TAFA4: variants seen among roughly 807,000 people sequenced by gnomAD.
TAFA4 encodes the protein TAFA chemokine like family member 4.
In TAFA4, 20 loss-of-function variants were observed where a neutral mutation model predicts 21.1. The observed-to-expected ratio is 0.95, with a 90% CI of 0.67 to 1.38. The LOEUF (loss-of-function observed/expected upper bound fraction) is 1.38. TAFA4 is among the 40% of genes most tolerant of loss of function. TAFA4 has a pLI of 0.00. For missense variants in TAFA4, 211 were observed against 180.9 expected (o/e 1.17, Z -0.95); for synonymous variants, 71 against 67.4 (o/e 1.05, Z -0.26).
At chr3:68,765,440 C>A (rs1446336531) in intron 3 of TAFA4, among the ~76,000 whole-genome samples, 1 of 151,998 alleles carries the variant, frequency 6.6e-6, no homozygotes, top group East Asian at 1.9e-4. Flanking sequence ...ATAACCTAAA[C>A]AATATTTTAG....
At chr3:68,800,225 T>A (rs1282367940) in intron 3 of TAFA4, among the ~76,000 whole-genome samples, 1 of 152,110 alleles carries the variant, frequency 6.6e-6, no homozygotes. Context: ...GAAAAAAATG[T>A]CTTTCACAAA....
chr3:68,870,345 C>T (rs937550552), intron 3 of TAFA4, among the ~76,000 whole-genome samples: 1 of 151,944 alleles, frequency 6.6e-6, no homozygotes, highest in Non-Finnish European at 1.5e-5. Flanking sequence ...CTTGAAAAAA[C>T]AATGCAAAAA....
At chr3:68,766,464 T>A (rs929317723) in intron 3 of TAFA4, among the ~76,000 whole-genome samples, 2 of 151,834 alleles carry the variant, frequency 1.3e-5, no homozygotes, top group African/African-American at 4.8e-5. Flanking sequence ...TATGTACAGA[T>A]AATACAAATG....
chr3:68,811,314 C>G (rs2106844907), intron 3 of TAFA4, among the ~76,000 whole-genome samples: 2 of 152,308 alleles, frequency 1.3e-5, no homozygotes, highest in Non-Finnish European at 2.9e-5. Flanking sequence ...CGGAACAAAG[C>G]TGGACAGAGA....
intron 3 of TAFA4, among the ~76,000 whole-genome samples, chr3:68,872,432 T>C (rs1575651535): frequency 6.6e-6 from 1 of 151,694 alleles, no homozygotes; most frequent in Non-Finnish European, 1.5e-5. Context: ...TGAACAGAGG[T>C]TAATAGTTTA....
chr3:68,927,893 C>CAAAAAAAAAAAAAAAAAAA (rs1209770129), intron 1 of TAFA4, among the ~76,000 whole-genome samples: 1 of 123,508 alleles, frequency 8.1e-6, no homozygotes, highest in African/African-American at 2.9e-5. Context: ...GACACCATCT[C>CAAAAAAAAAAAAAAAAAAA]AAAAAAAAAA....
At chr3:68,843,629 T>C (rs1056430068) in intron 3 of TAFA4, among the ~76,000 whole-genome samples, 3 of 152,242 alleles carry the variant, frequency 2.0e-5, no homozygotes, top group Non-Finnish European at 4.4e-5. Flanking sequence ...CGTTTTGCCA[T>C]TCAGCATGAT....
intron 1 of TAFA4, among the ~76,000 whole-genome samples, chr3:68,929,960 T>C (rs2090144104): frequency 6.6e-6 from 1 of 152,198 alleles, no homozygotes. Flanking sequence ...TCATATCCAA[T>C]GGTTAATCCC....
intron 1 of TAFA4, among the ~76,000 whole-genome samples, chr3:68,922,521 CTTCT>C (rs1295044236): frequency 2.6e-5 from 4 of 152,176 alleles, no homozygotes; most frequent in South Asian, 2.1e-4. Flanking sequence ...TCCTTCCTTA[CTTCT>C]AAGTAAATGA....
chr3:68,905,692 T>G (rs977722719), intron 1 of TAFA4, among the ~76,000 whole-genome samples: 2 of 152,064 alleles, frequency 1.3e-5, no homozygotes, highest in Non-Finnish European at 1.5e-5. Flanking sequence ...AACAGCATGT[T>G]CAAAGGCCCT....
chr3:68,912,524 G>T (rs1285152578), intron 1 of TAFA4, among the ~76,000 whole-genome samples: 1 of 152,180 alleles, frequency 6.6e-6, no homozygotes, highest in African/African-American at 2.4e-5. Flanking sequence ...CTCCCTCCCC[G>T]ATCCTGCCGT....
Position 68,874,642 on chromosome 3 carries a change from T to C in TAFA4, c.130+6088A>G, listed in dbSNP as rs574794624. On this transcript the variant is annotated intron_variant, in intron 3 of 5. Transcript: ENST00000295569. ...TCTTTTCCCAAACTACCCGAGGAAC[T>C]CTTCAAAGACAGTTGCCTGTTCTGC... Among the ~76,000 whole-genome samples the C allele has an allele frequency of 3.9e-5, 6 of 152,232 alleles. No homozygotes were observed. In the South Asian group the frequency reaches 1.2e-3, roughly 32 times the overall value.
At chr3:68,896,674 C>T (rs990733550) in intron 1 of TAFA4, among the ~76,000 whole-genome samples, 6 of 152,228 alleles carry the variant, frequency 3.9e-5, no homozygotes, top group African/African-American at 4.8e-5. Flanking sequence ...AAGGTTGTGA[C>T]GAGAAGTACA....
intron 4 of TAFA4, among the ~76,000 whole-genome samples, chr3:68,752,290 C>A (rs1051438272): frequency 1.3e-5 from 2 of 152,086 alleles, no homozygotes; most frequent in African/African-American, 2.4e-5. Context: ...GAAATCAATC[C>A]CAGGCCTCCA....
intron 1 of TAFA4, among the ~76,000 whole-genome samples, chr3:68,919,367 T>G (rs967604645): frequency 7.2e-5 from 11 of 152,196 alleles, no homozygotes; most frequent in African/African-American, 2.4e-4. Flanking sequence ...TTCATTCACT[T>G]ACTTATCACC....
At chr3:68,868,591 T>C (rs1248061546) in intron 3 of TAFA4, among the ~76,000 whole-genome samples, 2 of 151,944 alleles carry the variant, frequency 1.3e-5, no homozygotes, top group South Asian at 2.1e-4. Flanking sequence ...AAATCAGTAA[T>C]AAGAACTTTG....
chr3:68,825,361 T>C (rs139918899), intron 3 of TAFA4, among the ~76,000 whole-genome samples: 2,668 of 152,336 alleles, frequency 0.018, 81 homozygotes, highest in African/African-American at 0.061. Flanking sequence ...ACATTTTCTT[T>C]ATCCAGTCTA....
At chr3:68,741,117 T>C (rs967045626) in intron 4 of TAFA4, among the ~76,000 whole-genome samples, 13 of 152,242 alleles carry the variant, frequency 8.5e-5, no homozygotes, top group African/African-American at 3.1e-4. Flanking sequence ...AAAATTGCTT[T>C]AGCTATTTGG....
chr3:68,841,817 A>C (rs1320816495), intron 3 of TAFA4, among the ~76,000 whole-genome samples: 1 of 151,776 alleles, frequency 6.6e-6, no homozygotes, highest in African/African-American at 2.4e-5. Flanking sequence ...CGTCCTTGTG[A>C]TATTTTGCTG....
Sources: allele counts gnomAD v4.1 joint callset (sites outside exome capture counted in the v4.1 genomes callset), GRCh38; gene constraint gnomAD v4.1.1; transcripts MANE v1.5; gene names NCBI Gene and HGNC (gene_info 2026-07-23, HGNC 2026-07-21).